Variants in SEL1L3 observed in about 807,000 individuals in gnomAD.
The protein encoded by SEL1L3 is protein sel-1 homolog 3.
In SEL1L3, 76 loss-of-function variants were observed where a neutral mutation model predicts 142.8. The observed-to-expected ratio is 0.53, with a 90% CI of 0.44 to 0.64. SEL1L3 has a LOEUF of 0.64. Ranked by LOEUF, SEL1L3 falls within the 30% of genes least tolerant of loss-of-function variation. The pLI is 0.00. For missense variants in SEL1L3, 1,262 were observed against 1,381.7 expected (o/e 0.91, Z 1.37); for synonymous variants, 504 against 519.6 (o/e 0.97, Z 0.41).
chr4:25,756,440 C>T (rs778919476), intron 23 of SEL1L3: 119 of 984,954 alleles, frequency 1.2e-4, no homozygotes, highest in Non-Finnish European at 1.3e-4. Context: ...TAACAGCTAA[C>T]GTTTAACTAC....
chr4:25,799,147 T>C (rs1259483177), intron 11 of SEL1L3, among the ~76,000 whole-genome samples: 4 of 151,856 alleles, frequency 2.6e-5, no homozygotes, highest in Admixed American at 2.0e-4. Flanking sequence ...TGATCTCAGC[T>C]CACTACAGCC....
At chr4:25,799,792 G>A (rs1050693734) in intron 11 of SEL1L3, among the ~76,000 whole-genome samples, 3 of 152,114 alleles carry the variant, frequency 2.0e-5, no homozygotes, top group Non-Finnish European at 2.9e-5. Context: ...TGACAATGAC[G>A]GCAGATGGGG....
the SEL1L3 span, among the ~76,000 whole-genome samples, chr4:25,723,599 G>T: frequency 0.015 from 2,223 of 152,258 alleles, 26 homozygotes; most frequent in Non-Finnish European, 0.024. Context: ...ATGCAATTGT[G>T]GTCATGTCAA....
intron 20 of SEL1L3, 36 bp downstream of exon 20, chr4:25,765,290 G>C: frequency 1.4e-6 from 2 of 1,433,414 alleles, no homozygotes; most frequent in Non-Finnish European, 9.8e-7. Context: ...CACCGTGCCC[G>C]GCCAAGAGCT....
chr4:25,743,434 C>T (rs965190952), downstream of SEL1L3, among the ~76,000 whole-genome samples: 1 of 152,090 alleles, frequency 6.6e-6, no homozygotes, highest in Non-Finnish European at 1.5e-5. Flanking sequence ...GTTTATTTTG[C>T]CAAAGTCAAG....
intron 2 of SEL1L3, among the ~76,000 whole-genome samples, chr4:25,846,225 A>C (rs530481794): frequency 1.3e-5 from 2 of 152,286 alleles, no homozygotes; most frequent in East Asian, 3.9e-4. Context: ...CACATGCCTG[A>C]GATCTCCAGC....
At chr4:25,766,649 G>A (rs1718759694) in intron 19 of SEL1L3, among the ~76,000 whole-genome samples, 1 of 152,128 alleles carries the variant, frequency 6.6e-6, no homozygotes, top group South Asian at 2.1e-4. Flanking sequence ...GGACCAGAGG[G>A]TGCCTGTGAT....
chr4:25,757,083 CATGG>C (rs1389598675), intron 23 of SEL1L3, among the ~76,000 whole-genome samples: 1 of 152,048 alleles, frequency 6.6e-6, no homozygotes, highest in East Asian at 1.9e-4. Flanking sequence ...GCCTGGCCAA[CATGG>C]TGAAACCCCG....
intron 23 of SEL1L3, among the ~76,000 whole-genome samples, chr4:25,750,716 A>C (rs557717405): frequency 1.4e-4 from 22 of 152,320 alleles, no homozygotes; most frequent in African/African-American, 5.3e-4. Context: ...CTTCATAAGC[A>C]CTACTTTGTG....
chr4:25,748,493 T>A lies in SEL1L3; in HGVS notation c.3331A>T (p.Thr1111Ser). 6.2e-7 allele frequency: 1 copy of A among 1,611,398 alleles called. No individual in the cohort carries two copies. The highest frequency in any genetic ancestry group is 8.5e-7 in the Non-Finnish European group (1 of 1,178,688). The change falls in exon 24 of 24, where the codon ACT becomes TCT. Residue 1111 changes from threonine to serine, a missense_variant. By Grantham distance (58) the Thr-to-Ser change is moderately conservative (BLOSUM62 1). This residue lies in a region of SEL1L3 where 138 missense variants were observed against 129.7 expected (regional missense o/e 1.06). Coordinates refer to ENST00000399878, the MANE Select transcript of SEL1L3 (RefSeq NM_015187.5). ...TGGTCAGAGGCATCTGCAGCTGGAG[T>A]CACAGCTGGACTTGCAGTGGACGTG... ...TATSTASPAV[T>S]PAADASDQDQ...
intron 1 of SEL1L3, 76 bp downstream of exon 1, chr4:25,862,599 G>A: frequency 1.3e-6 from 1 of 755,904 alleles, no homozygotes; most frequent in Non-Finnish European, 1.8e-6. Context: ...CGCGTGGCGG[G>A]TGTCCCCGGC....
chr4:25,853,519 T>G (rs2109319292), intron 1 of SEL1L3, among the ~76,000 whole-genome samples: 1 of 152,260 alleles, frequency 6.6e-6, no homozygotes, highest in Admixed American at 6.5e-5. Context: ...AAATATTCAT[T>G]GAATTTCAAA....
intron 23 of SEL1L3, among the ~76,000 whole-genome samples, chr4:25,752,662 C>A (rs938158975): frequency 1.3e-5 from 2 of 152,174 alleles, no homozygotes; most frequent in African/African-American, 4.8e-5. Context: ...CTCTTGTTGC[C>A]CAGGCAGGAG....
chr4:25,749,627 G>T (rs960375144), intron 23 of SEL1L3, among the ~76,000 whole-genome samples: 8 of 152,270 alleles, frequency 5.3e-5, no homozygotes, highest in African/African-American at 1.9e-4. Flanking sequence ...TATTGGACTA[G>T]AATCAAGGTA....
At position 25,758,984 on chromosome 4, in the gene SEL1L3, G is replaced by A. The variant is rs1718191497; in HGVS notation, c.3040C>T (p.Leu1014Phe). 1 of 1,613,730 alleles carries A rather than the reference G, an allele frequency of 6.2e-7. No homozygotes were observed. Among genetic ancestry groups the A allele is most frequent in the Non-Finnish European group, 8.5e-7 (1 of 1,179,718 alleles). The stretch of plus-strand genomic sequence containing the variant: ...AGAATGGAGATGTTATTAGAATGGA[G>A]AGTTGAGTCAATTTCCAAGAAATCC... ...ILDFLEIDST[L>F]HSNNISILQE... The change falls in exon 21 of 24, where the codon CTC becomes TTC. Residue 1014 changes from leucine to phenylalanine, a missense_variant. Leu to Phe is a conservative substitution (Grantham distance 22). This residue lies in a region of SEL1L3 where 435 missense variants were observed against 559.2 expected (regional missense o/e 0.78). Transcript: ENST00000399878.
chr4:25,745,587 A>G (rs1717237150), downstream of SEL1L3, among the ~76,000 whole-genome samples: 1 of 152,164 alleles, frequency 6.6e-6, no homozygotes, highest in Non-Finnish European at 1.5e-5. Flanking sequence ...TTTTGCTCCC[A>G]AGGAGGTGTT....
At chr4:25,738,617 T>G in the SEL1L3 span, among the ~76,000 whole-genome samples, 2 of 152,200 alleles carry the variant, frequency 1.3e-5, no homozygotes, top group African/African-American at 4.8e-5. Flanking sequence ...CCAATAAACA[T>G]TCACCAATTC....
chr4:25,841,694 C>T (rs548915164), intron 2 of SEL1L3, among the ~76,000 whole-genome samples: 14 of 152,316 alleles, frequency 9.2e-5, no homozygotes, highest in African/African-American at 2.9e-4. Flanking sequence ...GTAGTTCACC[C>T]AGCACTTTGT....
chr4:25,776,897 CA>C (rs1174802284), intron 16 of SEL1L3, among the ~76,000 whole-genome samples: 1 of 151,442 alleles, frequency 6.6e-6, no homozygotes, highest in African/African-American at 2.4e-5. Flanking sequence ...AAAAAAGGCA[CA>C]AAAACCCCCC....
Sources: gnomAD v4.1 joint callset for allele counts (sites outside exome capture counted in the v4.1 genomes callset) on GRCh38, gnomAD v4.1.1 for gene constraint, gnomAD v4.1.1 regional missense constraint, MANE v1.5 for transcripts, NCBI Gene and HGNC (gene_info 2026-07-23, HGNC 2026-07-21) for gene names.